Variants in CRPPA observed in about 807,000 individuals in gnomAD.
The protein encoded by CRPPA is D-ribitol-5-phosphate cytidylyltransferase.
In CRPPA, 43 loss-of-function variants were observed where a neutral mutation model predicts 52.0. That is an observed-to-expected ratio of 0.83 (90% CI 0.65 to 1.07). CRPPA has a LOEUF of 1.07. CRPPA is among the 50% of genes least tolerant of loss of function. The pLI is 0.00. For missense variants in CRPPA, 629 were observed against 551.7 expected, an observed-to-expected ratio of 1.14 and a Z score of -1.40; for synonymous variants, 250 against 203.5, an observed-to-expected ratio of 1.23 and a Z score of -1.94.
intron 9 of CRPPA, among the ~76,000 whole-genome samples, chr7:16,158,654 C>A (rs1783237764): frequency 6.6e-6 from 1 of 152,100 alleles, no homozygotes; most frequent in Non-Finnish European, 1.5e-5. Flanking sequence ...AATGTGACAA[C>A]CCAAAATTTT....
At chr7:16,277,756 T>C (rs1034673473) in intron 6 of CRPPA, among the ~76,000 whole-genome samples, 5 of 152,156 alleles carry the variant, frequency 3.3e-5, no homozygotes, top group Admixed American at 2.6e-4. Flanking sequence ...ATGTCTCTTA[T>C]TTCCCCCTCC....
intron 6 of CRPPA, among the ~76,000 whole-genome samples, chr7:16,273,918 G>C (rs34366413): frequency 0.013 from 1,977 of 152,300 alleles, 24 homozygotes; most frequent in South Asian, 0.053. Context: ...TCCCATGAGA[G>C]GTGGAGAGCT....
intron 2 of CRPPA, among the ~76,000 whole-genome samples, chr7:16,383,847 A>C (rs1787183224): frequency 6.6e-6 from 1 of 152,208 alleles, no homozygotes; most frequent in Non-Finnish European, 1.5e-5. Context: ...AGCCCGTCGG[A>C]AAAGCGCAGT....
chr7:16,126,403 C>A (rs977380998), intron 9 of CRPPA, among the ~76,000 whole-genome samples: 1 of 152,110 alleles, frequency 6.6e-6, no homozygotes, highest in Admixed American at 6.6e-5. Flanking sequence ...GTTGTTTGTT[C>A]TCTCACCCCA....
intron 9 of CRPPA, among the ~76,000 whole-genome samples, chr7:16,201,233 A>T (rs750176199): frequency 6.6e-6 from 1 of 152,178 alleles, no homozygotes; most frequent in Non-Finnish European, 1.5e-5. Flanking sequence ...ACGACAGGAG[A>T]CAGACAAATT....
At chr7:16,209,211 C>A in intron 9 of CRPPA, 1 of 310,758 alleles carries the variant, frequency 3.2e-6, no homozygotes, top group Non-Finnish European at 6.2e-6. Flanking sequence ...TCAAAAGATG[C>A]AAGCATTTTG....
At chr7:16,342,355 T>C (rs536070431) in intron 3 of CRPPA, among the ~76,000 whole-genome samples, 4 of 152,180 alleles carry the variant, frequency 2.6e-5, no homozygotes, top group East Asian at 3.9e-4. Flanking sequence ...GAAAATGACA[T>C]GGGAGAAAAT....
intron 3 of CRPPA, among the ~76,000 whole-genome samples, chr7:16,309,098 A>C (rs1352312320): frequency 1.3e-5 from 2 of 148,752 alleles, no homozygotes; most frequent in Admixed American, 1.4e-4. Flanking sequence ...AAATATCAAT[A>C]TATCTTTTAA....
At chr7:16,389,783 T>C (rs991666084) in intron 2 of CRPPA, among the ~76,000 whole-genome samples, 1 of 150,898 alleles carries the variant, frequency 6.6e-6, no homozygotes, top group Non-Finnish European at 1.5e-5. Context: ...TAATAAGCTA[T>C]CCAAAAGAAG....
chr7:16,101,376 G>A (rs1467177936), intron 9 of CRPPA, among the ~76,000 whole-genome samples: 4 of 152,192 alleles, frequency 2.6e-5, no homozygotes, highest in South Asian at 2.1e-4. Context: ...GTTTAGTCTT[G>A]GGAGAGTGTA....
chr7:16,362,368 C>T (rs1375056426), intron 3 of CRPPA, among the ~76,000 whole-genome samples: 2 of 152,192 alleles, frequency 1.3e-5, no homozygotes, highest in East Asian at 3.9e-4. Flanking sequence ...AAAAGGAACA[C>T]ACACAGTGTC....
chr7:16,144,705 A>C (rs1782938973), intron 9 of CRPPA, among the ~76,000 whole-genome samples: 1 of 152,162 alleles, frequency 6.6e-6, no homozygotes, highest in Non-Finnish European at 1.5e-5. Context: ...GTTTGCTCCA[A>C]GCCTTTGTCA....
chr7:16,335,350 C>G (rs973136975), intron 3 of CRPPA, among the ~76,000 whole-genome samples: 3 of 152,034 alleles, frequency 2.0e-5, no homozygotes, highest in African/African-American at 7.2e-5. Context: ...GAGACTCCTT[C>G]CCCCACCCTC....
intron 3 of CRPPA, among the ~76,000 whole-genome samples, chr7:16,340,469 T>C (rs1785794063): frequency 6.6e-6 from 1 of 151,782 alleles, no homozygotes; most frequent in Non-Finnish European, 1.5e-5. Flanking sequence ...AGTACAAATG[T>C]TAAATAAGGA....
Position 16,258,995 on chromosome 7 carries a change from A to G in CRPPA, c.951T>C (p.Ser317=), listed in dbSNP as rs1188081832. The change falls in exon 7 of 10, where the codon TCT becomes TCC. Residue 317 remains serine (S), a synonymous_variant. Coordinates refer to ENST00000407010, the MANE Select transcript of CRPPA (RefSeq NM_001101426.4). ...GTCTGCCAGCATGACCCAGAGCCTC[A>G]GATGTGACTTTTACATGCTAGTAGG... is the stretch of plus-strand genomic sequence containing the variant. ...KSELNHVKVT[S]EALGHAGRHL... is the part of the protein sequence containing the mutation. 1.9e-6 allele frequency: 3 copies of G among 1,609,986 alleles called. No homozygotes were observed. Among genetic ancestry groups the G allele is most frequent in the South Asian group, 1.1e-5 (1 of 90,504 alleles).
rs79805331 is a variant in CRPPA at position 16,098,235 on chromosome 7, C to G, written c.1252-6436G>C. ...TTATGGACAAGCTGAAAGGAAATCT[C>G]TTGGAGATACCTATCCTCTATACAC... On this transcript the variant is annotated intron_variant, in intron 9 of 9. Transcript: ENST00000407010. 5.8e-3 allele frequency among the ~76,000 whole-genome samples: 890 copies of G among 152,256 alleles called. 8 individuals carry two copies. The highest frequency in any genetic ancestry group is 0.02 in the African/African-American group (828 of 41,550).
intron 3 of CRPPA, among the ~76,000 whole-genome samples, chr7:16,369,922 C>T (rs1038326165): frequency 6.6e-6 from 1 of 152,178 alleles, no homozygotes; most frequent in Non-Finnish European, 1.5e-5. Flanking sequence ...AGTCTGCCTC[C>T]AATCATACAT....
intron 9 of CRPPA, among the ~76,000 whole-genome samples, chr7:16,104,593 T>C (rs966289113): frequency 3.3e-5 from 5 of 152,224 alleles, no homozygotes; most frequent in South Asian, 2.1e-4. Flanking sequence ...ATATTAAATG[T>C]ATTTTGAATT....
chr7:16,347,111 T>A (rs1004666054), intron 3 of CRPPA, among the ~76,000 whole-genome samples: 3 of 152,014 alleles, frequency 2.0e-5, no homozygotes, highest in African/African-American at 7.2e-5. Context: ...GGTTAGCTCA[T>A]CCAAACTTTC....
Sources: allele counts gnomAD v4.1 joint callset (sites outside exome capture counted in the v4.1 genomes callset), GRCh38; gene constraint gnomAD v4.1.1; transcripts MANE v1.5; gene names NCBI Gene and HGNC (gene_info 2026-07-23, HGNC 2026-07-21).